The following GNA14 variants were observed in gnomAD, a reference collection of about 807,000 sequenced individuals.
GNA14 encodes the protein guanine nucleotide-binding protein subunit alpha-14.
A neutral mutation model predicts 42.0 loss-of-function variants in GNA14; 50 were observed. The observed-to-expected ratio is 1.19, with a 90% CI of 0.95 to 1.51. GNA14 has a LOEUF of 1.51. GNA14 is among the 40% of genes most tolerant of loss of function. The probability of loss-of-function intolerance (pLI) is 0.00; values close to 1 mark genes in which losing one functional copy is unlikely to be tolerated. For synonymous variants in GNA14, 173 were observed against 163.1 expected (o/e 1.06, Z -0.46); for missense variants, 473 against 446.2 (o/e 1.06, Z -0.54).
intron 1 of GNA14, among the ~76,000 whole-genome samples, chr9:77,613,917 C>A (rs1259802090): frequency 6.6e-6 from 1 of 151,736 alleles, no homozygotes; most frequent in Non-Finnish European, 1.5e-5. Context: ...CTGTTTCTCC[C>A]AAATGTAAGG....
intron 2 of GNA14, among the ~76,000 whole-genome samples, chr9:77,528,437 CCT>C (rs1460224165): frequency 6.6e-6 from 1 of 152,126 alleles, no homozygotes; most frequent in East Asian, 1.9e-4. Flanking sequence ...ACTTCCTCTT[CCT>C]CTCTCTTTCC....
intron 2 of GNA14, among the ~76,000 whole-genome samples, chr9:77,492,952 G>A (rs1836802632): frequency 7.2e-6 from 1 of 139,150 alleles, no homozygotes; most frequent in African/African-American, 2.7e-5. Context: ...AGTGAGCTGA[G>A]ATCATGCCAC....
chr9:77,622,788 G>A (rs1823949452), intron 1 of GNA14, among the ~76,000 whole-genome samples: 1 of 150,780 alleles, frequency 6.6e-6, no homozygotes, highest in African/African-American at 2.4e-5. Context: ...CAAATGCTTG[G>A]GAGGCTGAGG....
At chr9:77,459,434 C>T (rs1282820719) in intron 2 of GNA14, among the ~76,000 whole-genome samples, 1 of 152,030 alleles carries the variant, frequency 6.6e-6, no homozygotes, top group Non-Finnish European at 1.5e-5. Flanking sequence ...AAAATGACGC[C>T]TGGCCTCGCC....
chr9:77,603,133 A>G (rs998428366), intron 1 of GNA14, among the ~76,000 whole-genome samples: 5 of 152,224 alleles, frequency 3.3e-5, no homozygotes, highest in Non-Finnish European at 7.3e-5. Flanking sequence ...TGACTGCTGC[A>G]TGGGTGTACT....
At chr9:77,640,817 G>T (rs1215256022) in intron 1 of GNA14, among the ~76,000 whole-genome samples, 1 of 118,222 alleles carries the variant, frequency 8.5e-6, no homozygotes, top group Non-Finnish European at 1.6e-5. Context: ...AGCTGGGGAA[G>T]AATTGGTACA....
chr9:77,623,313 C>T (rs544116218), intron 1 of GNA14, among the ~76,000 whole-genome samples: 2 of 128,154 alleles, frequency 1.6e-5, no homozygotes, highest in South Asian at 5.5e-4. Context: ...AAATAAGTGA[C>T]ACTTTGGGCT....
chr9:77,607,113 T>C (rs6560607), intron 1 of GNA14, among the ~76,000 whole-genome samples: 120,643 of 152,128 alleles, frequency 0.79, 47,869 homozygotes, highest in East Asian at 0.91. Flanking sequence ...CAGCCCAAGC[T>C]GATTAAGACA....
At chr9:77,521,018 T>C (rs1250978260) in intron 2 of GNA14, among the ~76,000 whole-genome samples, 2 of 152,342 alleles carry the variant, frequency 1.3e-5, no homozygotes, top group East Asian at 1.9e-4. Context: ...CATCTTATTC[T>C]TTCCCATTTT....
intron 2 of GNA14, among the ~76,000 whole-genome samples, chr9:77,479,020 T>G (rs1836490968): frequency 6.6e-6 from 1 of 151,994 alleles, no homozygotes; most frequent in African/African-American, 2.4e-5. Flanking sequence ...GTGCAGAAGC[T>G]CTTTAATTAG....
intron 1 of GNA14, among the ~76,000 whole-genome samples, chr9:77,577,731 G>T (rs1823150860): frequency 6.6e-6 from 1 of 152,176 alleles, no homozygotes. Context: ...GTAGAATCGA[G>T]AAGGAGGATG....
At chr9:77,631,168 C>A (rs1824093206) in intron 1 of GNA14, among the ~76,000 whole-genome samples, 1 of 152,036 alleles carries the variant, frequency 6.6e-6, no homozygotes, top group Non-Finnish European at 1.5e-5. Flanking sequence ...GCTTTTTCAC[C>A]CTTAACACCT....
chr9:77,556,741 G>A (rs1822787253), intron 1 of GNA14, among the ~76,000 whole-genome samples: 1 of 152,020 alleles, frequency 6.6e-6, no homozygotes, highest in Non-Finnish European at 1.5e-5. Flanking sequence ...ACCACCCCCA[G>A]ACACACACAC....
At chr9:77,584,666 A>G (rs1823274234) in intron 1 of GNA14, among the ~76,000 whole-genome samples, 1 of 152,240 alleles carries the variant, frequency 6.6e-6, no homozygotes, top group Non-Finnish European at 1.5e-5. Context: ...TCATGCAAGA[A>G]AGAATTCAGG....
chr9:77,427,175 A>T (rs1277611879), intron 5 of GNA14, among the ~76,000 whole-genome samples: 1 of 152,192 alleles, frequency 6.6e-6, no homozygotes, highest in African/African-American at 2.4e-5. Flanking sequence ...TTAGAAGAGA[A>T]AATGTTTAAT....
At chr9:77,433,482 G>A (rs1415671686) in intron 3 of GNA14, among the ~76,000 whole-genome samples, 1 of 151,830 alleles carries the variant, frequency 6.6e-6, no homozygotes, top group East Asian at 1.9e-4. Context: ...AACCTCCTAG[G>A]CTCAAGACAT....
At chr9:77,576,672 T>C (rs1007222245) in intron 1 of GNA14, among the ~76,000 whole-genome samples, 2 of 152,142 alleles carry the variant, frequency 1.3e-5, no homozygotes, top group African/African-American at 4.8e-5. Flanking sequence ...AGTTGCCCAG[T>C]CAGTAATTTA....
rs972543210 is a variant in GNA14, at chr9:77,562,681, T to C, written c.125-33428A>G. ...TTTACAACAAAAAAATTAATACTTG[T>C]TTCATACTTGATTTAGCCTGTATTT... On this transcript the variant is annotated intron_variant, in intron 1 of 6. Transcript: ENST00000341700. Among the ~76,000 whole-genome samples, 15 of 152,246 alleles carry C rather than the reference T, an allele frequency of 9.9e-5. No homozygotes were observed. The East Asian group carries it at 2.9e-3, about 29-fold the overall frequency.
At chr9:77,616,671 T>G (rs1410662854) in intron 1 of GNA14, among the ~76,000 whole-genome samples, 7 of 152,184 alleles carry the variant, frequency 4.6e-5, no homozygotes, top group African/African-American at 9.7e-5. Flanking sequence ...CAGTAAAGTT[T>G]TTATTTACTC....
Sources: gnomAD v4.1 joint callset for allele counts (sites outside exome capture counted in the v4.1 genomes callset) on GRCh38, gnomAD v4.1.1 for gene constraint, MANE v1.5 for transcripts, NCBI Gene and HGNC (gene_info 2026-07-23, HGNC 2026-07-21) for gene names.